MYO5B: variants seen among roughly 807,000 people sequenced by gnomAD.
MYO5B encodes the protein myosin VB, also known as unconventional myosin-Vb.
A neutral mutation model predicts 229.3 loss-of-function variants in MYO5B; 143 were observed. That is an observed-to-expected ratio of 0.62 (90% CI 0.54 to 0.72). The LOEUF (loss-of-function observed/expected upper bound fraction) is 0.72. MYO5B is among the 30% of genes least tolerant of loss of function. The probability of loss-of-function intolerance (pLI) is 0.00; values close to 1 mark genes in which losing one functional copy is unlikely to be tolerated. For synonymous variants in MYO5B, 918 were observed against 885.2 expected, an observed-to-expected ratio of 1.04 and a Z score of -0.66; for missense variants, 2,321 against 2,331.0, an observed-to-expected ratio of 1.00 and a Z score of 0.09.
chr18:50,085,565 G>C (rs2031312010), intron 1 of MYO5B, among the ~76,000 whole-genome samples: 2 of 152,210 alleles, frequency 1.3e-5, no homozygotes, highest in South Asian at 4.1e-4. Flanking sequence ...CCATTACTGG[G>C]TATATACCCA....
At position 49,936,128 on chromosome 18, in the gene MYO5B, G is replaced by A. The variant is rs752234296; in HGVS notation, c.2003+124C>T. On this transcript the variant is annotated intron_variant, in intron 16 of 39. Transcript: ENST00000285039. ...TGTCTGCAGCAAGTAAGATGTCTGG[G>A]GAGTGTAAGTCCAGGTGGTCATCAT... The A allele has an allele frequency of 1.0e-4, 82 of 783,134 alleles. 1 individual carries two copies. Among genetic ancestry groups the A allele is most frequent in the South Asian group, 2.2e-4 (15 of 67,964 alleles). 48.5% of individuals were successfully genotyped at this position (783,134 alleles called of 1,614,324 possible).
rs757745239 is a variant in MYO5B, at chr18:49,843,239, A to G, written c.4611+2T>C. 8.7e-6 allele frequency: 14 copies of G among 1,613,784 alleles called. No homozygotes were observed. In the East Asian group the frequency reaches 2.9e-4, roughly 33 times the overall value. ...CCATGACCTTCTGCAGGGGCTGCTTACTTTCAGGACTTTCTTAATGCCGTT... is the reference window on the plus strand; with the variant it reads ...CCATGACCTTCTGCAGGGGCTGCTTGCTTTCAGGACTTTCTTAATGCCGTT... On this transcript the variant is annotated splice_donor_variant, in intron 34 of 39. Transcript: ENST00000285039. LOFTEE classifies it high-confidence loss of function.
intron 1 of MYO5B, among the ~76,000 whole-genome samples, chr18:50,079,198 T>A (rs1287153142): frequency 6.6e-6 from 1 of 152,264 alleles, no homozygotes; most frequent in Admixed American, 6.5e-5. Flanking sequence ...TATACACTTA[T>A]GTGTTTTTCT....
Position 50,159,145 on chromosome 18 carries a change from C to A in MYO5B, c.27+35622G>T, listed in dbSNP as rs17740349. ...CAATCACTTCTGAAAATAAACAGACCTAGTTGAGAAGGTGCACAGCCAGCC... is the reference window on the plus strand; with the variant it reads ...CAATCACTTCTGAAAATAAACAGACATAGTTGAGAAGGTGCACAGCCAGCC... On this transcript the variant is annotated intron_variant, in intron 1 of 39. Transcript: ENST00000285039. Among the ~76,000 whole-genome samples the A allele has an allele frequency of 7.2e-5, 11 of 152,170 alleles. No homozygotes were observed. In the South Asian group the frequency reaches 2.1e-3, roughly 29 times the overall value.
intron 1 of MYO5B, among the ~76,000 whole-genome samples, chr18:50,172,083 C>T (rs1305872708): frequency 6.6e-6 from 1 of 152,062 alleles, no homozygotes; most frequent in East Asian, 1.9e-4. Flanking sequence ...GAGTTTGAGA[C>T]AAGCCTGCAC....
chr18:50,036,767 G>C, intron 4 of MYO5B, 83 bp downstream of exon 4: 1 of 1,502,602 alleles, frequency 6.7e-7, no homozygotes. Context: ...CTCACTGTGA[G>C]CATCAGTTGC....
At chr18:50,090,763 C>T (rs1476463772) in intron 1 of MYO5B, among the ~76,000 whole-genome samples, 1 of 152,174 alleles carries the variant, frequency 6.6e-6, no homozygotes, top group Middle Eastern at 3.2e-3. Context: ...CACAGGGGAG[C>T]TGCTGCCCCT....
chr18:50,012,565 G>A (rs766409540), intron 4 of MYO5B, among the ~76,000 whole-genome samples: 3 of 152,184 alleles, frequency 2.0e-5, no homozygotes, highest in Non-Finnish European at 4.4e-5. Context: ...GGATGTCCGA[G>A]GTACACAGAT....
At chr18:50,021,939 G>A (rs1200108681) in intron 4 of MYO5B, among the ~76,000 whole-genome samples, 2 of 152,050 alleles carry the variant, frequency 1.3e-5, no homozygotes, top group Non-Finnish European at 2.9e-5. Flanking sequence ...AAGGCTTTAA[G>A]TACCATCTAC....
At chr18:50,036,476 C>T (rs2026449835) in intron 4 of MYO5B, among the ~76,000 whole-genome samples, 1 of 152,154 alleles carries the variant, frequency 6.6e-6, no homozygotes, top group Admixed American at 6.5e-5. Flanking sequence ...TTCAGTGAGA[C>T]TATCTGTAGA....
rs182543844 is a variant in MYO5B, at chr18:49,913,874, T to C, written c.2091-1701A>G. Among the ~76,000 whole-genome samples the C allele has an allele frequency of 1.7e-4, 26 of 152,082 alleles. No individual in the cohort carries two copies. In the East Asian group the frequency reaches 3.9e-3, roughly 23 times the overall value. ...ACAGAAAGAGAGAAGAGAAAGAGCA[T>C]CTGAACACTGAGAGGAGTTCACCTG... is the stretch of plus-strand genomic sequence containing the variant. On this transcript the variant is annotated intron_variant, in intron 17 of 39. Transcript: ENST00000285039.
At chr18:50,128,621 T>A (rs563489265) in intron 1 of MYO5B, among the ~76,000 whole-genome samples, 1 of 152,228 alleles carries the variant, frequency 6.6e-6, no homozygotes, top group East Asian at 1.9e-4. Context: ...TCCCTTGGAT[T>A]TATCAACAGC....
At chr18:49,965,603 A>G (rs1367503710) in intron 10 of MYO5B, among the ~76,000 whole-genome samples, 1 of 152,130 alleles carries the variant, frequency 6.6e-6, no homozygotes, top group East Asian at 1.9e-4. Flanking sequence ...TCCAGCAGCC[A>G]AGAGTTAGGC....
In MYO5B at chr18:49,847,288, A is replaced by C; in HGVS notation, c.4317T>G (p.Ala1439=). The C allele has an allele frequency of 1.2e-6, 2 of 1,613,266 alleles. No homozygotes were observed. Among genetic ancestry groups the C allele is most frequent in the Middle Eastern group, 3.7e-4 (2 of 5,420 alleles). ...IYMKKAQDLE[A]AQALAQSERK... is the part of the protein sequence containing the mutation. The stretch of plus-strand genomic sequence containing the variant: ...TCTCACTCTGGGCCAATGCCTGGGC[A>C]GCTGAGCAGGAAAGAAAACAGGAAG... Residue 1439 remains alanine (A), a splice_region_variant and synonymous_variant, in exon 33 of 40, where the codon GCT becomes GCG. Coordinates refer to ENST00000285039, the MANE Select transcript of MYO5B (RefSeq NM_001080467.3).
In MYO5B at chr18:49,953,301, T is replaced by C. The variant is rs1355342908; in HGVS notation, c.1711A>G (p.Thr571Ala). 6.2e-7 allele frequency: 1 copy of C among 1,614,062 alleles called. No individual in the cohort carries two copies. The highest frequency in any genetic ancestry group is 8.5e-7 in the Non-Finnish European group (1 of 1,180,026). Reference sequence around the variant, plus strand: ...ATATTGATCTGCTCTTCATACACCGTGTCTCTGTTTTTCTCCAGAAAACCA... The same window carrying C: ...ATATTGATCTGCTCTTCATACACCGCGTCTCTGTTTTTCTCCAGAAAACCA... ...SDGFLEKNRD[T>A]VYEEQINILK... Residue 571 changes from threonine (T) to alanine (A), a missense_variant, in exon 14 of 40, where the codon ACG becomes GCG. This residue lies in a region of MYO5B where 2,113 missense variants were observed against 2,044.7 expected (regional missense o/e 1.03). Transcript: ENST00000285039.
At chr18:49,911,997 C>A in intron 18 of MYO5B, 65 bp downstream of exon 18, 1 of 1,223,040 alleles carries the variant, frequency 8.2e-7, no homozygotes, top group Non-Finnish European at 1.2e-6. Flanking sequence ...TAGATAACGA[C>A]GCCACCCCCT....
chr18:49,984,371 A>G (rs2025848181), intron 8 of MYO5B, among the ~76,000 whole-genome samples: 1 of 152,224 alleles, frequency 6.6e-6, no homozygotes, highest in Non-Finnish European at 1.5e-5. Context: ...TCTTCCTGCT[A>G]GAGCACACTT....
At chr18:49,976,375 A>G (rs754600810) in intron 9 of MYO5B, among the ~76,000 whole-genome samples, 1 of 152,264 alleles carries the variant, frequency 6.6e-6, no homozygotes, top group Non-Finnish European at 1.5e-5. Flanking sequence ...CCAGAATAAT[A>G]GAATCCAAAA....
chr18:49,929,610 GAAAAA>G lies in MYO5B; in HGVS notation c.2004-17_2004-13del, dbSNP rs56278513. On this transcript the variant is annotated splice_polypyrimidine_tract_variant and intron_variant, in intron 16 of 39. Coordinates refer to ENST00000285039, the MANE Select transcript of MYO5B (RefSeq NM_001080467.3). ...TCTTTGGGTCAAAGCTGCCAAAGGA[GAAAAA>G]AAAAAAAAAAAGCAAGACAAGAGAT... 5.5e-5 allele frequency: 71 copies of G among 1,287,218 alleles called. No individual in the cohort carries two copies. Among genetic ancestry groups the G allele is most frequent in the East Asian group, 7.9e-5 (3 of 38,114 alleles). 79.7% of individuals were successfully genotyped at this position (1,287,218 alleles called of 1,614,324 possible). A position where few individuals can be genotyped will look rare whatever the true frequency, so the allele number is the denominator to read the frequency against.
Sources: gnomAD v4.1 joint callset for allele counts (sites outside exome capture counted in the v4.1 genomes callset) on GRCh38, gnomAD v4.1.1 for gene constraint, gnomAD v4.1.1 regional missense constraint, MANE v1.5 for transcripts, NCBI Gene and HGNC (gene_info 2026-07-23, HGNC 2026-07-21) for gene names.